The following CLN6 variants were observed in gnomAD, a reference collection of about 807,000 sequenced individuals.
The protein encoded by CLN6 is ceroid-lipofuscinosis neuronal protein 6.
A neutral mutation model predicts 33.3 loss-of-function variants in CLN6; 22 were observed. The ratio of observed to expected loss-of-function variants is 0.66; its 90% CI spans 0.47 to 0.94. The LOEUF is 0.94. CLN6 is among the 40% of genes least tolerant of loss of function. CLN6 has a pLI of 0.00. For missense variants in CLN6, 387 were observed against 417.1 expected (o/e 0.93, Z 0.63); for synonymous variants, 201 against 174.6 (o/e 1.15, Z -1.19).
Position 68,227,755 on chromosome 15 carries a change from T to C in CLN6, c.83+1747A>G, listed in dbSNP as rs1045263360. Among the ~76,000 whole-genome samples the C allele has an allele frequency of 2.0e-5, 3 of 152,232 alleles. No homozygotes were observed. Among genetic ancestry groups the C allele is most frequent in the Admixed American group, 1.3e-4 (2 of 15,288 alleles). On this transcript the variant is annotated intron_variant, in intron 1 of 6. Coordinates refer to ENST00000249806, the MANE Select transcript of CLN6 (RefSeq NM_017882.3). The surrounding 1 kb of genome is among the most constrained non-coding windows in gnomAD (Gnocchi z 4.1). The stretch of plus-strand genomic sequence containing the variant: ...CTCTTTGGGCCTCCATTTCCCCATC[T>C]GTACATTGGAAGTGACATCTGGCAG...
rs779052964 is a variant in CLN6, at chr15:68,208,284, G to A, written c.792C>T (p.Ser264=). 1 of 1,614,184 alleles carries A rather than the reference G, an allele frequency of 6.2e-7. No individual in the cohort carries two copies. The highest frequency in any genetic ancestry group is 1.1e-5 in the South Asian group (1 of 91,088). ...CAAGCAAGAGGGTCAGTGCGAAGGA[G>A]GAGAAGAGGAAGAGGCCGTTGCTGT... ...FLDSNGLFLF[S]SFALTLLLVA... The change falls in exon 7 of 7, where the codon TCC becomes TCT. Residue 264 remains serine (S), a synonymous_variant. Transcript: ENST00000249806. The surrounding 1 kb of genome is among the most constrained non-coding windows in gnomAD (Gnocchi z 5.8).
rs1433255609 is a variant in CLN6 at position 68,246,923 on chromosome 15, A to G, written c.179+9767T>C. ...GTAATCCTAGCACTTTGGGAGGCCA[A>G]GGTGGGCAGATCACTTTAGGTCAGG... On this transcript the variant is annotated intron_variant, in intron 1 of 6. Coordinates refer to the CLN6 transcript ENST00000538696. This position sits in a 1 kb window ranked among gnomAD's most constrained non-coding sequence, Gnocchi z 4.5. Among the ~76,000 whole-genome samples, 1 of 152,108 alleles carries G rather than the reference A, an allele frequency of 6.6e-6. No individual in the cohort carries two copies. Among genetic ancestry groups the G allele is most frequent in the Non-Finnish European group, 1.5e-5 (1 of 68,022 alleles).
chr15:68,215,493 TA>T (rs1349513936), intron 2 of CLN6: 2 of 152,150 alleles, frequency 1.3e-5, no homozygotes, highest in Non-Finnish European at 2.9e-5. Flanking sequence ...GAGAGAGCTA[TA>T]TTTTTTTTTC....
chr15:68,223,019 A>G (rs2093242215), intron 1 of CLN6, among the ~76,000 whole-genome samples: 1 of 151,874 alleles, frequency 6.6e-6, no homozygotes, highest in Non-Finnish European at 1.5e-5. Flanking sequence ...GCCTAGGAAA[A>G]CCAGAGACCT....
chr15:68,255,040 T>C (rs1186396982), intron 1 of CLN6: 5 of 628,612 alleles, frequency 8.0e-6, no homozygotes, highest in Non-Finnish European at 1.4e-5. Flanking sequence ...ACAGAACACT[T>C]CACTGTGTTT....
intron 1 of CLN6, chr15:68,254,464 G>A (rs768987309): frequency 1.0e-4 from 31 of 309,476 alleles, no homozygotes; most frequent in Non-Finnish European, 1.8e-4. Flanking sequence ...ACTGGAGTTT[G>A]AAGACTTAGT....
rs985106680 is a variant in CLN6, at chr15:68,227,219, A to G, written c.83+2283T>C. 1.3e-5 allele frequency among the ~76,000 whole-genome samples: 2 copies of G among 151,756 alleles called. No individual in the cohort carries two copies. The highest frequency in any genetic ancestry group is 2.9e-5 in the Non-Finnish European group (2 of 67,976). On this transcript the variant is annotated intron_variant, in intron 1 of 6. Transcript: ENST00000249806. This position sits in a 1 kb window ranked among gnomAD's most constrained non-coding sequence, Gnocchi z 4.1. ...CACCTGGATAATTTTTGTATTTTTTAGTAGAGACGGGGATTCTCCATGTTG... is the reference window on the plus strand; with the variant it reads ...CACCTGGATAATTTTTGTATTTTTTGGTAGAGACGGGGATTCTCCATGTTG...
At position 68,208,030 on chromosome 15, in the gene CLN6, A is replaced by T; in HGVS notation, c.*110T>A. ...CACGCACACGAGGCACACCCCACTC[A>T]TGCTCTCGGTCTCTGGTTACACACC... On this transcript the variant is annotated 3_prime_UTR_variant, in exon 7 of 7. Coordinates refer to ENST00000249806, the MANE Select transcript of CLN6 (RefSeq NM_017882.3). This position sits in a 1 kb window ranked among gnomAD's most constrained non-coding sequence, Gnocchi z 5.8. 1 of 1,208,176 alleles carries T rather than the reference A, an allele frequency of 8.3e-7. No homozygotes were observed. Among genetic ancestry groups the T allele is most frequent in the Non-Finnish European group, 1.2e-6 (1 of 846,756 alleles). The allele number at this position is 1,208,176 out of a possible 1,614,324, so 74.8% of individuals were successfully genotyped here. A position where few individuals can be genotyped will look rare whatever the true frequency, so the allele number is the denominator to read the frequency against.
chr15:68,230,239 G>A (rs2093266087), upstream of CLN6, among the ~76,000 whole-genome samples: 1 of 152,238 alleles, frequency 6.6e-6, no homozygotes, highest in Non-Finnish European at 1.5e-5. The surrounding 1 kb of genome is among the most constrained non-coding windows in gnomAD (Gnocchi z 4.0). Flanking sequence ...GATGTGGGGG[G>A]TGAGGGGAGA....
rs572698001 is a variant in CLN6 at position 68,216,956 on chromosome 15, C to T, written c.198+1580G>A. 6.6e-5 allele frequency among the ~76,000 whole-genome samples: 10 copies of T among 152,308 alleles called. No individual in the cohort carries two copies. In the South Asian group the frequency reaches 2.1e-3, roughly 32 times the overall value. On this transcript the variant is annotated intron_variant, in intron 2 of 6. Coordinates refer to ENST00000249806, the MANE Select transcript of CLN6 (RefSeq NM_017882.3). ...AGATGCTGGCCTCTATGCTTGACCT[C>T]GAGCCAGTTACTTATTCTCTCTCTC...
At chr15:68,237,186 A>C (rs1392222394) in intron 1 of CLN6, among the ~76,000 whole-genome samples, 1 of 136,880 alleles carries the variant, frequency 7.3e-6, no homozygotes, top group African/African-American at 2.6e-5. Flanking sequence ...AAAAAAAAAA[A>C]AAACTGAATG....
Position 68,246,622 on chromosome 15 carries a change from A to C in CLN6, c.179+10068T>G, listed in dbSNP as rs772866098. Among the ~76,000 whole-genome samples, 1 of 152,154 alleles carries C rather than the reference A, an allele frequency of 6.6e-6. No individual in the cohort carries two copies. The highest frequency in any genetic ancestry group is 1.5e-5 in the Non-Finnish European group (1 of 68,040). On this transcript the variant is annotated intron_variant, in intron 1 of 6. Transcript: ENST00000538696. The surrounding 1 kb of genome is among the most constrained non-coding windows in gnomAD (Gnocchi z 4.5). ...ATGCCTACATCAAAAAAGCAGAAAG[A>C]CTTCAAATAAACAACCTAACAATGC...
In CLN6 at chr15:68,211,794, CCATGATGAA is replaced by C. The variant is rs1401381423; in HGVS notation, c.358_366del (p.Phe120_Met122del). 1.9e-6 allele frequency: 3 copies of C among 1,613,906 alleles called. No homozygotes were observed. The highest frequency in any genetic ancestry group is 2.5e-6 in the Non-Finnish European group (3 of 1,180,002). On this transcript the variant is annotated inframe_deletion, in exon 4 of 7. Transcript: ENST00000249806. The surrounding 1 kb of genome is among the most constrained non-coding windows in gnomAD (Gnocchi z 5.9). ...TCACCCACCAGGTGGATGCTGGCAC[CCATGATGAA>C]GATGATGATGCTCACGTACGTGATG...
intron 1 of CLN6, among the ~76,000 whole-genome samples, chr15:68,237,317 C>T (rs77935687): frequency 7.4e-6 from 1 of 135,190 alleles, no homozygotes; most frequent in Admixed American, 7.6e-5. Context: ...CCTATCTCTA[C>T]AAAAAAAAAA....
At chr15:68,218,677 C>T in intron 1 of CLN6, 27 bp from the exon 2 acceptor site, 1 of 1,528,922 alleles carries the variant, frequency 6.5e-7, no homozygotes, top group Non-Finnish European at 9.1e-7. Flanking sequence ...CGAGAGAAGT[C>T]AGCTCTTCTC....
chr15:68,237,179 A>AC (rs1334802992), intron 1 of CLN6, among the ~76,000 whole-genome samples: 1 of 149,170 alleles, frequency 6.7e-6, no homozygotes, highest in East Asian at 2.0e-4. Flanking sequence ...AAAAAAAAAA[A>AC]AAAAAAAAAA....
At position 68,256,707 on chromosome 15, in the gene CLN6, G is replaced by A; in HGVS notation, c.162C>T (p.Leu54=). The stretch of plus-strand genomic sequence containing the variant: ...AAACTTACTTTTTACCTTTGAATTT[G>A]AGTTTTCTCAGCGAAGTCTCACAGG... The change falls in exon 1 of 7, where the codon CTC becomes CTT. Residue 54 remains leucine (L), a synonymous_variant. Coordinates refer to the CLN6 transcript ENST00000538696. This position sits in a 1 kb window ranked among gnomAD's most constrained non-coding sequence, Gnocchi z 4.1. 1 of 677,160 alleles carries A rather than the reference G, an allele frequency of 1.5e-6. No homozygotes were observed. The highest frequency in any genetic ancestry group is 2.7e-6 in the Non-Finnish European group (1 of 372,294). The allele number at this position is 677,160 out of a possible 1,614,324, so 41.9% of individuals were successfully genotyped here.
At chr15:68,216,041 G>A (rs189233578) in intron 2 of CLN6, among the ~76,000 whole-genome samples, 84 of 152,240 alleles carry the variant, frequency 5.5e-4, no homozygotes, top group African/African-American at 1.9e-3. Flanking sequence ...AATCTCTAGC[G>A]TATACAAGAG....
rs1463712576 is a variant in CLN6 at position 68,228,202 on chromosome 15, C to T, written c.83+1300G>A. ...GGACACAGTCCGCAGCTGCTCAGCC[C>T]GCATGTCCGCAGCAGCAGAAACGAG... On this transcript the variant is annotated intron_variant, in intron 1 of 6. Coordinates refer to ENST00000249806, the MANE Select transcript of CLN6 (RefSeq NM_017882.3). This position sits in a 1 kb window ranked among gnomAD's most constrained non-coding sequence, Gnocchi z 4.4. Among the ~76,000 whole-genome samples, 1 of 152,136 alleles carries T rather than the reference C, an allele frequency of 6.6e-6. No individual in the cohort carries two copies. Among genetic ancestry groups the T allele is most frequent in the Non-Finnish European group, 1.5e-5 (1 of 68,024 alleles).
Sources: gnomAD v4.1 joint callset for allele counts (sites outside exome capture counted in the v4.1 genomes callset) on GRCh38, gnomAD v4.1.1 for gene constraint, Gnocchi (gnomAD v3.1) non-coding constraint, MANE v1.5 for transcripts, NCBI Gene and HGNC (gene_info 2026-07-23, HGNC 2026-07-21) for gene names.